The following PRDM16 variants were observed in gnomAD, a reference collection of about 807,000 sequenced individuals.
PRDM16 encodes histone-lysine N-methyltransferase PRDM16.
A neutral mutation model predicts 110.6 loss-of-function variants in PRDM16; 23 were observed. The observed-to-expected ratio is 0.21, with a 90% CI of 0.15 to 0.29. The LOEUF (loss-of-function observed/expected upper bound fraction) is 0.29. Ranked by LOEUF, PRDM16 falls within the 10% of genes least tolerant of loss-of-function variation. The probability of loss-of-function intolerance (pLI) is 1.00; values close to 1 mark genes in which losing one functional copy is unlikely to be tolerated. For missense variants in PRDM16, 1,615 were observed against 1,794.3 expected, an observed-to-expected ratio of 0.90 and a Z score of 1.81; for synonymous variants, 799 against 781.8, an observed-to-expected ratio of 1.02 and a Z score of -0.37.
At chr1:3,196,508 AGT>A (rs1168090702) in intron 2 of PRDM16, among the ~76,000 whole-genome samples, 4 of 152,194 alleles carry the variant, frequency 2.6e-5, no homozygotes, top group Admixed American at 1.3e-4. Context: ...CTTGGCAGAG[AGT>A]GAGGCTCACC....
At chr1:3,324,609 G>A (rs1258553472) in intron 3 of PRDM16, among the ~76,000 whole-genome samples, 1 of 152,154 alleles carries the variant, frequency 6.6e-6, no homozygotes, top group African/African-American at 2.4e-5. Flanking sequence ...CTGGATGCTG[G>A]CCTCTGAACT....
At chr1:3,095,915 C>T (rs753384320) in intron 1 of PRDM16, among the ~76,000 whole-genome samples, 28 of 152,208 alleles carry the variant, frequency 1.8e-4, no homozygotes, top group South Asian at 4.2e-4. Context: ...ACTCGAGGTC[C>T]GCTCAGCATC....
intron 2 of PRDM16, among the ~76,000 whole-genome samples, chr1:3,229,983 C>A (rs527538343): frequency 6.6e-6 from 1 of 152,340 alleles, no homozygotes; most frequent in East Asian, 1.9e-4. Flanking sequence ...AAAGCAGCTG[C>A]CCTGGCGCCC....
At chr1:3,264,960 A>T (rs1336690394) in intron 3 of PRDM16, among the ~76,000 whole-genome samples, 1 of 152,022 alleles carries the variant, frequency 6.6e-6, no homozygotes, top group Non-Finnish European at 1.5e-5. Context: ...TGGAGATGGA[A>T]ATGGAGGCGG....
chr1:3,305,203 G>T (rs1641286502), intron 3 of PRDM16, among the ~76,000 whole-genome samples: 1 of 152,194 alleles, frequency 6.6e-6, no homozygotes, highest in African/African-American at 2.4e-5. Context: ...TTTCCATGAA[G>T]ATTTACAAAG....
intron 3 of PRDM16, among the ~76,000 whole-genome samples, chr1:3,345,892 G>A (rs983086332): frequency 2.6e-5 from 4 of 151,738 alleles, no homozygotes; most frequent in African/African-American, 9.7e-5. Context: ...TCCACCCAGA[G>A]CTACACAGTC....
At chr1:3,216,722 G>A (rs1639038568) in intron 2 of PRDM16, among the ~76,000 whole-genome samples, 1 of 152,254 alleles carries the variant, frequency 6.6e-6, no homozygotes, top group South Asian at 2.1e-4. Context: ...AAATCAGAGA[G>A]TCTAGGCCCA....
chr1:3,284,617 C>G (rs538633846), intron 3 of PRDM16, among the ~76,000 whole-genome samples: 1 of 152,334 alleles, frequency 6.6e-6, no homozygotes, highest in African/African-American at 2.4e-5. Flanking sequence ...GCCCCACACC[C>G]TGAGAACGTG....
At chr1:3,362,602 G>A (rs1218596262) in intron 3 of PRDM16, among the ~76,000 whole-genome samples, 2 of 152,166 alleles carry the variant, frequency 1.3e-5, no homozygotes, top group African/African-American at 4.8e-5. Context: ...GGACTGCCGA[G>A]GGCCTTCGGG....
intron 1 of PRDM16, among the ~76,000 whole-genome samples, chr1:3,146,133 A>G (rs1229612189): frequency 6.6e-6 from 1 of 152,190 alleles, no homozygotes; most frequent in Non-Finnish European, 1.5e-5. Context: ...GCTCTGCTGC[A>G]CTGCAGACTC....
chr1:3,088,674 G>A (rs1272476754), intron 1 of PRDM16, among the ~76,000 whole-genome samples: 1 of 151,230 alleles, frequency 6.6e-6, no homozygotes, highest in Non-Finnish European at 1.5e-5. Context: ...CACCGTGTTA[G>A]CCAGGATGGT....
At chr1:3,180,120 A>G (rs1327941185) in intron 1 of PRDM16, among the ~76,000 whole-genome samples, 4 of 152,086 alleles carry the variant, frequency 2.6e-5, no homozygotes, top group Non-Finnish European at 5.9e-5. Flanking sequence ...CAGGTTGATC[A>G]GAAGCACCTA....
chr1:3,194,639 C>T (rs1434077884), intron 2 of PRDM16, among the ~76,000 whole-genome samples: 3 of 145,950 alleles, frequency 2.1e-5, no homozygotes, highest in African/African-American at 7.6e-5. Context: ...CACCGTCTCC[C>T]CGCCACACGC....
chr1:3,258,289 G>C (rs1271713541), intron 3 of PRDM16, among the ~76,000 whole-genome samples: 5 of 152,188 alleles, frequency 3.3e-5, no homozygotes, highest in Non-Finnish European at 7.3e-5. Context: ...CTATGGGGGG[G>C]ATATTGTGAG....
At chr1:3,086,109 C>T (rs1219775388) in intron 1 of PRDM16, among the ~76,000 whole-genome samples, 1 of 109,840 alleles carries the variant, frequency 9.1e-6, no homozygotes, top group Non-Finnish European at 1.8e-5. Context: ...CGGCTGGATG[C>T]TGGTCTCCTG....
intron 14 of PRDM16, among the ~76,000 whole-genome samples, chr1:3,428,634 G>A (rs993278096): frequency 1.3e-5 from 2 of 152,210 alleles, no homozygotes; most frequent in Non-Finnish European, 1.5e-5. Context: ...CTGGGGTGGC[G>A]GGAACGTTCC....
chr1:3,412,604 C>T lies in PRDM16; in HGVS notation c.2407C>T (p.Leu803=). The change falls in exon 9 of 17, where the codon CTG becomes TTG. Residue 803 remains leucine (L), a synonymous_variant. Transcript: ENST00000270722. ...SAPASGEEQP[L]DLSIGSRARA... ...CCCCGCATCCGGCGAGGAGCAGCCG[C>T]TGGACCTGAGCATCGGCAGCCGGGC... 1 of 1,597,904 alleles carries T rather than the reference C, an allele frequency of 6.3e-7. No homozygotes were observed. Among genetic ancestry groups the T allele is most frequent in the Non-Finnish European group, 8.5e-7 (1 of 1,171,444 alleles).
At chr1:3,433,408 C>T (rs1014975457) in intron 16 of PRDM16, among the ~76,000 whole-genome samples, 18 of 152,342 alleles carry the variant, frequency 1.2e-4, no homozygotes, top group East Asian at 7.7e-4. Context: ...CGAGGCTTGG[C>T]CCTGCTGGCC....
At chr1:3,196,757 C>T (rs1638488164) in intron 2 of PRDM16, among the ~76,000 whole-genome samples, 1 of 152,202 alleles carries the variant, frequency 6.6e-6, no homozygotes, top group South Asian at 2.1e-4. Context: ...GGAGTCCAGC[C>T]CAGGAGGAGG....
Sources: allele counts gnomAD v4.1 joint callset (sites outside exome capture counted in the v4.1 genomes callset), GRCh38; gene constraint gnomAD v4.1.1; transcripts MANE v1.5; gene names NCBI Gene and HGNC (gene_info 2026-07-23, HGNC 2026-07-21).